Variants in ARHGEF3 observed in about 807,000 individuals in gnomAD.
The protein encoded by ARHGEF3 is 59.8 kDA protein.
A neutral mutation model predicts 63.2 loss-of-function variants in ARHGEF3; 28 were observed. That is an observed-to-expected ratio of 0.44 (90% CI 0.33 to 0.61). The LOEUF is 0.61. Among genes scored for constraint, ARHGEF3 ranks in the 20% least tolerant of loss-of-function variants. The pLI is 0.03. For synonymous variants in ARHGEF3, 266 were observed against 254.2 expected (o/e 1.05, Z -0.44); for missense variants, 533 against 659.3 (o/e 0.81, Z 2.10).
intron 3 of ARHGEF3, among the ~76,000 whole-genome samples, chr3:56,909,354 C>A (rs1292621839): frequency 6.6e-6 from 1 of 152,180 alleles, no homozygotes; most frequent in African/African-American, 2.4e-5. Context: ...AAACAGTCCA[C>A]AAAGTGCGCA....
chr3:56,731,272 T>C (rs2033138751), intron 9 of ARHGEF3, among the ~76,000 whole-genome samples: 1 of 152,208 alleles, frequency 6.6e-6, no homozygotes, highest in African/African-American at 2.4e-5. Flanking sequence ...CCCGGGGGCC[T>C]GTAATCCCAG....
At chr3:56,766,863 A>C (rs2035731120) in intron 2 of ARHGEF3, among the ~76,000 whole-genome samples, 1 of 152,262 alleles carries the variant, frequency 6.6e-6, no homozygotes, top group Non-Finnish European at 1.5e-5. Flanking sequence ...GTATAATCAA[A>C]GGAAAGAAAG....
chr3:56,856,701 G>GT (rs11393443), intron 4 of ARHGEF3, among the ~76,000 whole-genome samples: 35,169 of 105,990 alleles, frequency 0.33, 5,223 homozygotes, highest in East Asian at 0.56. Flanking sequence ...ATCTTGAGAG[G>GT]TTTTTTGTTT....
At chr3:57,044,935 G>C (rs1228701297) in intron 1 of ARHGEF3, among the ~76,000 whole-genome samples, 1 of 152,088 alleles carries the variant, frequency 6.6e-6, no homozygotes, top group Non-Finnish European at 1.5e-5. Flanking sequence ...CTGTCAAATG[G>C]TTCCAATGGA....
intron 3 of ARHGEF3, among the ~76,000 whole-genome samples, chr3:56,889,087 G>A (rs534369836): frequency 3.2e-4 from 49 of 152,026 alleles, no homozygotes; most frequent in Admixed American, 7.2e-4. Context: ...GATCCTGCTA[G>A]CTTGACCTTC....
chr3:57,062,837 T>C (rs1032469038), intron 1 of ARHGEF3, among the ~76,000 whole-genome samples: 1 of 152,140 alleles, frequency 6.6e-6, no homozygotes. Flanking sequence ...TTTACCAAAC[T>C]TTTCTTTACG....
chr3:56,733,750 G>A (rs2033386603), intron 8 of ARHGEF3, among the ~76,000 whole-genome samples: 1 of 152,008 alleles, frequency 6.6e-6, no homozygotes, highest in African/African-American at 2.4e-5. Flanking sequence ...TTGGGAGGCC[G>A]AGGTGGGCGG....
At chr3:56,843,333 C>T (rs1372874569) in intron 4 of ARHGEF3, among the ~76,000 whole-genome samples, 1 of 152,158 alleles carries the variant, frequency 6.6e-6, no homozygotes, top group Non-Finnish European at 1.5e-5. Flanking sequence ...GATCTTGGCT[C>T]ACTGCAACCT....
intron 2 of ARHGEF3, among the ~76,000 whole-genome samples, chr3:56,973,297 G>A (rs1424130721): frequency 1.3e-5 from 2 of 152,126 alleles, no homozygotes; most frequent in South Asian, 2.1e-4. Context: ...GATTACAGGC[G>A]TGAGCCACCG....
intron 1 of ARHGEF3, among the ~76,000 whole-genome samples, chr3:57,069,908 G>A (rs1264306240): frequency 2.0e-5 from 3 of 152,194 alleles, no homozygotes; most frequent in African/African-American, 7.2e-5. Flanking sequence ...ACCTCCCAAA[G>A]TGCTGGGATT....
At chr3:56,982,595 T>G (rs1701367766) in intron 2 of ARHGEF3, among the ~76,000 whole-genome samples, 1 of 152,144 alleles carries the variant, frequency 6.6e-6, no homozygotes, top group Non-Finnish European at 1.5e-5. Context: ...TTGAATCCCA[T>G]AAGGGTGGAG....
chr3:57,007,646 T>C (rs1271817283), intron 2 of ARHGEF3, among the ~76,000 whole-genome samples: 1 of 152,140 alleles, frequency 6.6e-6, no homozygotes, highest in Non-Finnish European at 1.5e-5. Flanking sequence ...CAGGGACGGG[T>C]GAGTTCCGGG....
At chr3:56,938,992 T>C (rs1699044496) in intron 3 of ARHGEF3, 2 of 152,336 alleles carry the variant, frequency 1.3e-5, no homozygotes, top group South Asian at 2.1e-4. Context: ...CCCATCTTTT[T>C]CCCCTTGCTT....
rs1460646497 is a variant in ARHGEF3, at chr3:56,967,431, TATATA to T, written c.63-8547_63-8543del. ...ATTATATATTATACATATTATATAT[TATATA>T]ATATATTATATATTATACATATTAT... is the stretch of plus-strand genomic sequence containing the variant. On this transcript the variant is annotated intron_variant, in intron 2 of 12. Coordinates refer to the ARHGEF3 transcript ENST00000338458. 1.0e-4 allele frequency among the ~76,000 whole-genome samples: 8 copies of T among 78,544 alleles called. 1 individual carries two copies. Among genetic ancestry groups the T allele is most frequent in the Non-Finnish European group, 1.3e-4 (6 of 46,156 alleles). 51.5% of individuals were successfully genotyped at this position (78,544 alleles called of 152,430 possible). A position where few individuals can be genotyped will look rare whatever the true frequency, so the allele number is the denominator to read the frequency against.
chr3:56,901,982 C>G (rs1373179774), intron 3 of ARHGEF3, among the ~76,000 whole-genome samples: 1 of 152,140 alleles, frequency 6.6e-6, no homozygotes, highest in Non-Finnish European at 1.5e-5. Context: ...CATCATAGCC[C>G]TCTTGTGCTT....
chr3:57,037,876 A>AAAAAACAAAAC (rs1704026593), intron 1 of ARHGEF3, among the ~76,000 whole-genome samples: 1 of 146,386 alleles, frequency 6.8e-6, no homozygotes, highest in Admixed American at 6.7e-5. Flanking sequence ...CTCCGTCTCA[A>AAAAAACAAAAC]AAAACAAAAC....
At chr3:56,919,711 ATG>A (rs1476903057) in intron 3 of ARHGEF3, among the ~76,000 whole-genome samples, 5 of 152,230 alleles carry the variant, frequency 3.3e-5, no homozygotes, top group African/African-American at 1.2e-4. Context: ...AGGATTTTTT[ATG>A]TTTTAATATG....
intron 2 of ARHGEF3, among the ~76,000 whole-genome samples, chr3:56,962,557 G>A (rs115009725): frequency 6.6e-6 from 1 of 152,180 alleles, no homozygotes; most frequent in Non-Finnish European, 1.5e-5. Context: ...ACAAGGATAA[G>A]TATGACCACT....
At chr3:56,979,256 G>A (rs146798715) in intron 2 of ARHGEF3, among the ~76,000 whole-genome samples, 1 of 152,332 alleles carries the variant, frequency 6.6e-6, no homozygotes, top group East Asian at 1.9e-4. Context: ...ATCTGGATTT[G>A]GCACCTTTAA....
Sources: gnomAD v4.1 joint callset for allele counts (sites outside exome capture counted in the v4.1 genomes callset) on GRCh38, gnomAD v4.1.1 for gene constraint, MANE v1.5 for transcripts, NCBI Gene and HGNC (gene_info 2026-07-23, HGNC 2026-07-21) for gene names.